The following NAALADL2 variants were observed in gnomAD, a reference collection of about 807,000 sequenced individuals.
NAALADL2 encodes inactive N-acetylated-alpha-linked acidic dipeptidase-like protein 2.
A neutral mutation model predicts 87.2 loss-of-function variants in NAALADL2; 76 were observed. That is an observed-to-expected ratio of 0.87 (90% CI 0.72 to 1.05). NAALADL2 has a LOEUF of 1.05. NAALADL2 is among the 50% of genes least tolerant of loss of function. NAALADL2 has a pLI of 0.00. For synonymous variants in NAALADL2, 354 were observed against 331.0 expected (o/e 1.07, Z -0.75); for missense variants, 1,089 against 945.8 (o/e 1.15, Z -1.99).
chr3:175,776,688 G>A (rs943998714), intron 13 of NAALADL2, among the ~76,000 whole-genome samples: 6 of 152,040 alleles, frequency 3.9e-5, no homozygotes, highest in African/African-American at 1.4e-4. Flanking sequence ...AAGAAATTTT[G>A]TAGAAAGTCT....
intron 2 of NAALADL2, among the ~76,000 whole-genome samples, chr3:175,115,401 T>G (rs1435812246): frequency 7.1e-6 from 1 of 141,836 alleles, no homozygotes; most frequent in Non-Finnish European, 1.5e-5. Flanking sequence ...CACATGACAA[T>G]TAGCATATAT....
At chr3:174,466,472 T>C (rs147602324) in intron 1 of NAALADL2, among the ~76,000 whole-genome samples, 1 of 152,256 alleles carries the variant, frequency 6.6e-6, no homozygotes, top group African/African-American at 2.4e-5. Flanking sequence ...TGGCCACTCA[T>C]TCAGCTAAAA....
intron 2 of NAALADL2, among the ~76,000 whole-genome samples, chr3:174,581,298 A>G (rs1716139643): frequency 6.6e-6 from 1 of 152,150 alleles, no homozygotes; most frequent in Non-Finnish European, 1.5e-5. Context: ...ATTTATATTA[A>G]GGCAGGGAAA....
intron 9 of NAALADL2, among the ~76,000 whole-genome samples, chr3:175,571,663 A>G (rs1310498298): frequency 6.6e-6 from 1 of 152,174 alleles, no homozygotes; most frequent in Non-Finnish European, 1.5e-5. Flanking sequence ...ATTTACAATC[A>G]CTGCAGGTCT....
At chr3:174,623,112 T>C (rs11927591) in intron 2 of NAALADL2, among the ~76,000 whole-genome samples, 18,294 of 152,182 alleles carry the variant, frequency 0.12, 1,294 homozygotes, top group East Asian at 0.32. Flanking sequence ...GGTCCCATGG[T>C]GTTATTCAAA....
intron 1 of NAALADL2, among the ~76,000 whole-genome samples, chr3:174,930,847 C>T (rs1339103525): frequency 6.6e-6 from 1 of 151,850 alleles, no homozygotes. Flanking sequence ...TGGTCTCCTT[C>T]TTCTGACCTT....
At chr3:175,529,691 A>G (rs1733852936) in intron 9 of NAALADL2, among the ~76,000 whole-genome samples, 1 of 152,198 alleles carries the variant, frequency 6.6e-6, no homozygotes, top group Admixed American at 6.5e-5. Context: ...TTTCATGAGC[A>G]TGAGCCCACT....
chr3:174,926,753 G>A (rs1338662188), intron 1 of NAALADL2, among the ~76,000 whole-genome samples: 1 of 152,096 alleles, frequency 6.6e-6, no homozygotes, highest in East Asian at 1.9e-4. Flanking sequence ...GCAAAAACAT[G>A]ATAAATTGTA....
At chr3:175,738,408 C>T (rs1042745116) in intron 12 of NAALADL2, among the ~76,000 whole-genome samples, 2 of 152,046 alleles carry the variant, frequency 1.3e-5, no homozygotes, top group Non-Finnish European at 2.9e-5. Context: ...CCACCACACC[C>T]GGCTAATATT....
intron 9 of NAALADL2, among the ~76,000 whole-genome samples, chr3:175,502,225 C>T (rs1190356270): frequency 7.6e-6 from 1 of 130,942 alleles, no homozygotes; most frequent in Non-Finnish European, 1.5e-5. Flanking sequence ...AACCATTATC[C>T]TGGGTGTGTG....
At chr3:174,602,630 C>A (rs1399930257) in intron 2 of NAALADL2, among the ~76,000 whole-genome samples, 1 of 151,756 alleles carries the variant, frequency 6.6e-6, no homozygotes, top group Non-Finnish European at 1.5e-5. Context: ...TCTTTGTCTT[C>A]TCAGATTGCT....
At chr3:175,159,799 C>G (rs1732854637) in intron 2 of NAALADL2, among the ~76,000 whole-genome samples, 1 of 151,264 alleles carries the variant, frequency 6.6e-6, no homozygotes, top group African/African-American at 2.4e-5. Flanking sequence ...CTGCCTCCCT[C>G]CCATCCTTCC....
chr3:175,131,803 G>A (rs530690970), intron 2 of NAALADL2, among the ~76,000 whole-genome samples: 457 of 143,184 alleles, frequency 3.2e-3, no homozygotes, highest in Non-Finnish European at 4.8e-3. Flanking sequence ...CGGACGGGGG[G>A]CCTGGCCGGG....
At chr3:174,875,213 C>T (rs1728354098) in intron 1 of NAALADL2, among the ~76,000 whole-genome samples, 1 of 148,926 alleles carries the variant, frequency 6.7e-6, no homozygotes, top group African/African-American at 2.5e-5. Flanking sequence ...TTCATGTTAT[C>T]AACCTCTCCA....
rs958764765 is a variant in NAALADL2 at position 175,536,162 on chromosome 3, C to T, written c.1654-39879C>T. On this transcript the variant is annotated intron_variant, in intron 9 of 13. Coordinates refer to ENST00000454872, the MANE Select transcript of NAALADL2 (RefSeq NM_207015.3). ...AGAGGACAGCAGAGTGCCCTTGAAT[C>T]GTGCTTAAAATAAATTCAAAAGTAA... Among the ~76,000 whole-genome samples the T allele has an allele frequency of 5.3e-5, 8 of 152,122 alleles. No homozygotes were observed. In the South Asian group the frequency reaches 1.2e-3, roughly 24 times the overall value.
At chr3:174,603,056 T>C (rs568312719) in intron 2 of NAALADL2, among the ~76,000 whole-genome samples, 1 of 152,094 alleles carries the variant, frequency 6.6e-6, no homozygotes, top group Non-Finnish European at 1.5e-5. Flanking sequence ...ATCAGTGATA[T>C]TGGCCTGTAG....
intron 1 of NAALADL2, among the ~76,000 whole-genome samples, chr3:174,889,618 T>TTTTA (rs1227330974): frequency 6.6e-6 from 1 of 151,444 alleles, no homozygotes; most frequent in East Asian, 1.9e-4. Context: ...TGACAGAGTA[T>TTTTA]TTTATCGTAT....
chr3:175,080,179 A>T (rs1405649334), intron 1 of NAALADL2, among the ~76,000 whole-genome samples: 2 of 152,060 alleles, frequency 1.3e-5, no homozygotes, highest in African/African-American at 4.8e-5. Context: ...GTTAGCCAGG[A>T]TGGTCTCGAT....
intron 3 of NAALADL2, among the ~76,000 whole-genome samples, chr3:175,237,829 A>C (rs1746172376): frequency 6.6e-6 from 1 of 152,086 alleles, no homozygotes; most frequent in African/African-American, 2.4e-5. Flanking sequence ...ATATGGGACA[A>C]TTGGGATAAG....
Sources: gnomAD v4.1 joint callset for allele counts (sites outside exome capture counted in the v4.1 genomes callset) on GRCh38, gnomAD v4.1.1 for gene constraint, MANE v1.5 for transcripts, NCBI Gene and HGNC (gene_info 2026-07-23, HGNC 2026-07-21) for gene names.